The following MYO1D variants were observed in gnomAD, a reference collection of about 807,000 sequenced individuals.
MYO1D encodes the protein unconventional myosin-Id.
Under a neutral mutation model 122.0 loss-of-function variants are expected in MYO1D, and 83 were observed. That is an observed-to-expected ratio of 0.68 (90% CI 0.57 to 0.82). The LOEUF is 0.82. MYO1D is among the 40% of genes least tolerant of loss of function. The pLI is 0.00. For missense variants in MYO1D, 1,157 were observed against 1,269.5 expected, an observed-to-expected ratio of 0.91 and a Z score of 1.35; for synonymous variants, 464 against 446.9, an observed-to-expected ratio of 1.04 and a Z score of -0.48.
chr17:32,848,988 T>C lies in MYO1D; in HGVS notation c.95+27790A>G, dbSNP rs1567670969. Among the ~76,000 whole-genome samples, 4 of 152,160 alleles carry C rather than the reference T, an allele frequency of 2.6e-5. No homozygotes were observed. In the East Asian group the frequency reaches 7.7e-4, roughly 29 times the overall value. On this transcript the variant is annotated intron_variant, in intron 1 of 21. Transcript: ENST00000318217. ...TTAAGTATAAGAAGAAATAAATTGT[T>C]AGAAATAAACATGTAGTAAGACATG...
At chr17:32,871,499 T>C (rs760129375) in intron 1 of MYO1D, among the ~76,000 whole-genome samples, 14 of 152,212 alleles carry the variant, frequency 9.2e-5, no homozygotes, top group Admixed American at 6.5e-4. Context: ...ATTGCTTTTA[T>C]GGAAGACAAA....
chr17:32,501,267 A>G (rs1909309838), intron 21 of MYO1D, among the ~76,000 whole-genome samples: 1 of 152,136 alleles, frequency 6.6e-6, no homozygotes, highest in South Asian at 2.1e-4. Context: ...TCCCATAACC[A>G]TTGTTAGTCT....
intron 21 of MYO1D, among the ~76,000 whole-genome samples, chr17:32,593,677 C>T (rs1011946136): frequency 6.6e-6 from 1 of 152,176 alleles, no homozygotes; most frequent in Non-Finnish European, 1.5e-5. Context: ...GGGGCTCATG[C>T]CTGTAATCCC....
intron 14 of MYO1D, among the ~76,000 whole-genome samples, chr17:32,725,477 C>T (rs1191378413): frequency 1.3e-5 from 2 of 150,968 alleles, no homozygotes; most frequent in East Asian, 1.9e-4. Context: ...GCTGAGATCG[C>T]GCCACTGCAC....
At chr17:32,730,718 G>A (rs2089628038) in intron 14 of MYO1D, among the ~76,000 whole-genome samples, 1 of 152,040 alleles carries the variant, frequency 6.6e-6, no homozygotes, top group African/African-American at 2.4e-5. Flanking sequence ...GATTTTACTA[G>A]GTGTCTATAT....
At position 32,845,046 on chromosome 17, in the gene MYO1D, A is replaced by G. The variant is rs562583062; in HGVS notation, c.95+31732T>C. On this transcript the variant is annotated intron_variant, in intron 1 of 21. Transcript: ENST00000318217. Reference sequence around the variant, plus strand: ...TAAAAAGTTACACACATACCAAAGGAAAAAAAAAAAATCTGGAAGGCTACA... The same window carrying G: ...TAAAAAGTTACACACATACCAAAGGGAAAAAAAAAAATCTGGAAGGCTACA... Among the ~76,000 whole-genome samples the G allele has an allele frequency of 2.5e-3, 370 of 145,986 alleles. 3 individuals are homozygous for G. The highest frequency in any genetic ancestry group is 8.8e-3 in the African/African-American group (355 of 40,322).
At chr17:32,669,015 T>C (rs1245950713) in intron 16 of MYO1D, among the ~76,000 whole-genome samples, 3 of 152,148 alleles carry the variant, frequency 2.0e-5, no homozygotes, top group African/African-American at 7.2e-5. Context: ...GCTCTGAGAA[T>C]TTTTATGTAA....
chr17:32,535,473 C>T (rs1177028375), intron 21 of MYO1D, among the ~76,000 whole-genome samples: 3 of 152,204 alleles, frequency 2.0e-5, no homozygotes, highest in Admixed American at 6.5e-5. Context: ...TGTGGCCGGG[C>T]GCGGTGGCTC....
At chr17:32,621,167 G>A (rs2087851424) in intron 20 of MYO1D, among the ~76,000 whole-genome samples, 1 of 152,072 alleles carries the variant, frequency 6.6e-6, no homozygotes, top group South Asian at 2.1e-4. Flanking sequence ...GTCAGATGTG[G>A]AATTTTCCAC....
At chr17:32,742,086 C>G (rs1315576158) in intron 13 of MYO1D, among the ~76,000 whole-genome samples, 1 of 150,708 alleles carries the variant, frequency 6.6e-6, no homozygotes, top group Non-Finnish European at 1.5e-5. Context: ...TAGACATGTA[C>G]AGACTTTTTT....
intron 16 of MYO1D, among the ~76,000 whole-genome samples, chr17:32,677,253 T>C (rs2088825169): frequency 6.6e-6 from 1 of 152,126 alleles, no homozygotes; most frequent in South Asian, 2.1e-4. Context: ...GTTAAAACAT[T>C]AGGGGAATTG....
chr17:32,871,652 A>T (rs972539379), intron 1 of MYO1D, among the ~76,000 whole-genome samples: 1 of 152,240 alleles, frequency 6.6e-6, no homozygotes, highest in African/African-American at 2.4e-5. Context: ...CGTATATTTC[A>T]TTGTCCTATA....
chr17:32,597,565 C>T (rs190225893), intron 21 of MYO1D, among the ~76,000 whole-genome samples: 2 of 151,808 alleles, frequency 1.3e-5, no homozygotes, highest in Admixed American at 1.3e-4. Flanking sequence ...ATATAGTTAT[C>T]CAGTGATAGA....
At chr17:32,619,709 A>G (rs1031692447) in intron 20 of MYO1D, among the ~76,000 whole-genome samples, 19 of 152,220 alleles carry the variant, frequency 1.2e-4, no homozygotes, top group African/African-American at 4.6e-4. Flanking sequence ...TAATTGAATC[A>G]AGCTCTATAT....
intron 21 of MYO1D, among the ~76,000 whole-genome samples, chr17:32,552,724 T>C (rs948736034): frequency 2.0e-5 from 3 of 152,208 alleles, no homozygotes; most frequent in Non-Finnish European, 4.4e-5. Context: ...ATGTGGAAAC[T>C]GAAGCTTCTT....
At chr17:32,663,633 T>A (rs1230550268) in intron 16 of MYO1D, among the ~76,000 whole-genome samples, 1 of 152,190 alleles carries the variant, frequency 6.6e-6, no homozygotes, top group Non-Finnish European at 1.5e-5. Context: ...TTCCTCATTT[T>A]ACACCCACTT....
chr17:32,807,114 C>T (rs1016336993), intron 1 of MYO1D, among the ~76,000 whole-genome samples: 5 of 152,088 alleles, frequency 3.3e-5, no homozygotes, highest in African/African-American at 7.2e-5. Flanking sequence ...GAGGATTTCA[C>T]AAAGTCAATT....
At chr17:32,627,966 A>G (rs1240310883) in intron 20 of MYO1D, among the ~76,000 whole-genome samples, 1 of 152,180 alleles carries the variant, frequency 6.6e-6, no homozygotes, top group Non-Finnish European at 1.5e-5. Flanking sequence ...TTCAAGCAAC[A>G]TGCTTCAGCC....
At chr17:32,681,597 T>C (rs1431247963) in intron 16 of MYO1D, among the ~76,000 whole-genome samples, 2 of 152,090 alleles carry the variant, frequency 1.3e-5, no homozygotes, top group African/African-American at 4.8e-5. Context: ...TCTAGTTTGA[T>C]TGCACTGTGG....
Sources: gnomAD v4.1 joint callset for allele counts (sites outside exome capture counted in the v4.1 genomes callset) on GRCh38, gnomAD v4.1.1 for gene constraint, MANE v1.5 for transcripts, NCBI Gene and HGNC (gene_info 2026-07-23, HGNC 2026-07-21) for gene names.